KIT: variants seen among roughly 807,000 people sequenced by gnomAD.
KIT encodes KIT proto-oncogene, receptor tyrosine kinase, also known as mast/stem cell growth factor receptor Kit.
Under a neutral mutation model 105.7 loss-of-function variants are expected in KIT, and 16 were observed. The observed-to-expected ratio is 0.15, with a 90% CI of 0.10 to 0.23. The LOEUF (loss-of-function observed/expected upper bound fraction) is 0.23, where lower values mean the gene tolerates loss of function less well. KIT is among the 10% of genes least tolerant of loss of function. The pLI, the probability that KIT is intolerant of heterozygous loss-of-function variation, is 1.00. For synonymous variants in KIT, 438 were observed against 441.1 expected (o/e 0.99, Z 0.09); for missense variants, 858 against 1,213.8 (o/e 0.71, Z 4.36).
chr4:54,676,726 T>TA (rs1718500196), intron 1 of KIT, among the ~76,000 whole-genome samples: 1 of 152,192 alleles, frequency 6.6e-6, no homozygotes, highest in Non-Finnish European at 1.5e-5. Flanking sequence ...AAGCCTCCAG[T>TA]ATCTCCTTTT....
intron 1 of KIT, among the ~76,000 whole-genome samples, chr4:54,668,248 G>A (rs894848827): frequency 6.6e-6 from 1 of 152,146 alleles, no homozygotes; most frequent in African/African-American, 2.4e-5. Context: ...GTGGCTGTTT[G>A]TGGTGGGCAG....
At chr4:54,677,541 C>G (rs917347499) in intron 1 of KIT, among the ~76,000 whole-genome samples, 1 of 152,200 alleles carries the variant, frequency 6.6e-6, no homozygotes, top group African/African-American at 2.4e-5. Context: ...GAAAGTGACT[C>G]TTGCCTCCTC....
rs952446846 is a variant in KIT at position 54,699,844 on chromosome 4, C to A, written c.756+78C>A. On this transcript the variant is annotated intron_variant, in intron 4 of 20. Coordinates refer to ENST00000288135, the MANE Select transcript of KIT (RefSeq NM_000222.3). ...GTTTTCTCTTTCAGAAGAGTCTGTC[C>A]TGAAACTGCCTCGACTAGTGCGTCT... The A allele has an allele frequency of 1.2e-5, 18 of 1,513,304 alleles. No individual in the cohort carries two copies. In the African/African-American group the frequency reaches 2.5e-4, roughly 21 times the overall value. 93.7% of individuals were successfully genotyped at this position (1,513,304 alleles called of 1,614,324 possible).
At chr4:54,697,148 A>G (rs886192500) in intron 2 of KIT, among the ~76,000 whole-genome samples, 1 of 152,232 alleles carries the variant, frequency 6.6e-6, no homozygotes, top group African/African-American at 2.4e-5. Context: ...CAAGTGACCT[A>G]CAAAGAGTAG....
intron 16 of KIT, among the ~76,000 whole-genome samples, chr4:54,732,340 A>C (rs1187401333): frequency 6.6e-6 from 1 of 152,170 alleles, no homozygotes; most frequent in Admixed American, 6.5e-5. Context: ...CAGTAAAAGC[A>C]GAGGGCACCT....
At position 54,707,346 on chromosome 4, in the gene KIT, T is replaced by C. The variant is rs537407892; in HGVS notation, c.1115+59T>C. The stretch of plus-strand genomic sequence containing the variant: ...ATTACCCCCTTTTCCAGTGGGCTTA[T>C]CAGATCTTATTTCTGTAACCCGTAA... On this transcript the variant is annotated intron_variant, in intron 6 of 20. Coordinates refer to ENST00000288135, the MANE Select transcript of KIT (RefSeq NM_000222.3). 2.1e-5 allele frequency: 25 copies of C among 1,204,990 alleles called. No individual in the cohort carries two copies. The African/African-American group carries it at 3.6e-4, about 17-fold the overall frequency. The allele number at this position is 1,204,990 out of a possible 1,614,324, so 74.6% of individuals were successfully genotyped here.
At chr4:54,682,767 T>A (rs1354725283) in intron 1 of KIT, among the ~76,000 whole-genome samples, 2 of 136,086 alleles carry the variant, frequency 1.5e-5, no homozygotes, top group African/African-American at 3.3e-5. Flanking sequence ...TTTTTTTTTT[T>A]AGAAGACAGA....
At chr4:54,678,919 G>A (rs529399913) in intron 1 of KIT, among the ~76,000 whole-genome samples, 8 of 152,152 alleles carry the variant, frequency 5.3e-5, no homozygotes, top group Non-Finnish European at 1.2e-4. Context: ...CCATTTGAGA[G>A]TAAGTTGCTA....
In KIT at chr4:54,729,332, T is replaced by C. The variant is rs768551420; in HGVS notation, c.1991-3T>C. 2.5e-6 allele frequency: 4 copies of C among 1,613,296 alleles called. No homozygotes were observed. The highest frequency in any genetic ancestry group is 4.5e-5 in the East Asian group (2 of 44,858). Reference sequence around the variant, plus strand: ...TTTCTAACCTTTTCTTATGTGCTTTTAGGGCCCACCCTGGTCATTACAGAA... The same window carrying C: ...TTTCTAACCTTTTCTTATGTGCTTTCAGGGCCCACCCTGGTCATTACAGAA... On this transcript the variant is annotated splice_polypyrimidine_tract_variant and splice_region_variant and intron_variant, in intron 13 of 20. Coordinates refer to ENST00000288135, the MANE Select transcript of KIT (RefSeq NM_000222.3).
chr4:54,727,143 G>GT lies in KIT; in HGVS notation c.1541-72dup, dbSNP rs771724821. 2.1e-4 allele frequency: 271 copies of GT among 1,281,896 alleles called. 3 individuals are homozygous for GT. The South Asian group carries it at 3.1e-3, about 15-fold the overall frequency. 79.4% of individuals were successfully genotyped at this position (1,281,896 alleles called of 1,614,324 possible). Reference sequence around the variant, plus strand: ...GGCTGTGAGTTGGGAGGTGGGGTCAGTTTGGGACTGAGTGGCTGTGGTAGA... The same window carrying GT: ...GGCTGTGAGTTGGGAGGTGGGGTCAGTTTTGGGACTGAGTGGCTGTGGTAGA... On this transcript the variant is annotated intron_variant, in intron 9 of 20. Coordinates refer to ENST00000288135, the MANE Select transcript of KIT (RefSeq NM_000222.3).
At chr4:54,729,258 C>T in intron 13 of KIT, 77 bp from the exon 14 acceptor site, 3 of 1,506,816 alleles carry the variant, frequency 2.0e-6, no homozygotes, top group Non-Finnish European at 2.8e-6. Flanking sequence ...CCATGACCAC[C>T]CTTGGGTATT....
rs184041614 is a variant in KIT at position 54,739,791 on chromosome 4, C to T, written c.*1234C>T. ...TTAGTACTGCTCTTGTTTCTTTTCA[C>T]ATAGCTGTCTAGAGTAGCTTACCAG... On this transcript the variant is annotated 3_prime_UTR_variant, in exon 21 of 21. Transcript: ENST00000288135. 28 of 233,506 alleles carry T rather than the reference C, an allele frequency of 1.2e-4. No homozygotes were observed. In the Admixed American group the frequency reaches 1.3e-3, roughly 11 times the overall value. 14.5% of individuals were successfully genotyped at this position (233,506 alleles called of 1,614,324 possible). A position where few individuals can be genotyped will look rare whatever the true frequency, so the allele number is the denominator to read the frequency against.
At chr4:54,669,557 T>C (rs1305154865) in intron 1 of KIT, among the ~76,000 whole-genome samples, 4 of 152,190 alleles carry the variant, frequency 2.6e-5, no homozygotes, top group Non-Finnish European at 5.9e-5. Context: ...ATACCAGAAA[T>C]CCATAGATTT....
chr4:54,731,890 T>A lies in KIT; in HGVS notation c.2253T>A (p.Asp751Glu). The change falls in exon 16 of 21, where the codon GAT (aspartate) becomes GAA (glutamate). Residue 751 changes from aspartate (D) to glutamate (E), a missense_variant. Physicochemically the swap from Asp to Glu is conservative, Grantham distance 45. Transcript: ENST00000288135. The stretch of plus-strand genomic sequence containing the variant: ...TCACAGGCTCATACATAGAAAGAGA[T>A]GTGACTCCCGCCATCATGGAGGATG... ...SVRIGSYIERDVTPAIMEDDE... is the reference protein window; with the variant it reads ...SVRIGSYIEREVTPAIMEDDE... 1.2e-6 allele frequency: 2 copies of A among 1,613,572 alleles called. No homozygotes were observed. The highest frequency in any genetic ancestry group is 1.7e-6 in the Non-Finnish European group (2 of 1,179,622).
In KIT at chr4:54,703,783, G is replaced by A. The variant is rs758792480; in HGVS notation, c.816G>A (p.Gln272=). Residue 272 remains glutamine (Q), a synonymous_variant, in exon 5 of 21, where the codon CAG becomes CAA. Transcript: ENST00000288135. Reference sequence around the variant, plus strand: ...ACGGTGACTTCAATTATGAACGTCAGGCAACGTTGACTATCAGTTCAGCGA... The same window carrying A: ...ACGGTGACTTCAATTATGAACGTCAAGCAACGTTGACTATCAGTTCAGCGA... ...WHHGDFNYER[Q]ATLTISSARV... is the part of the protein sequence containing the mutation. The A allele has an allele frequency of 3.1e-6, 5 of 1,613,506 alleles. No homozygotes were observed. Among genetic ancestry groups the A allele is most frequent in the South Asian group, 1.1e-5 (1 of 91,070 alleles).
At chr4:54,669,420 G>A (rs938906425) in intron 1 of KIT, among the ~76,000 whole-genome samples, 12 of 152,232 alleles carry the variant, frequency 7.9e-5, no homozygotes, top group African/African-American at 2.4e-4. Context: ...GGTCCCCCAC[G>A]GGGTCTAGTG....
chr4:54,733,681 T>C (rs919157245), intron 17 of KIT, among the ~76,000 whole-genome samples: 2 of 152,174 alleles, frequency 1.3e-5, no homozygotes, highest in Admixed American at 1.3e-4. Flanking sequence ...TAGCAAATGT[T>C]TTTCAAAGTG....
intron 1 of KIT, among the ~76,000 whole-genome samples, chr4:54,666,855 A>G (rs1451136101): frequency 6.6e-6 from 1 of 152,218 alleles, no homozygotes; most frequent in Non-Finnish European, 1.5e-5. Flanking sequence ...AGACTCTAAC[A>G]TAATCCACTA....
chr4:54,738,669 C>CA lies in KIT; in HGVS notation c.*113dup. 7.7e-7 allele frequency: 1 copy of CA among 1,297,776 alleles called. No individual in the cohort carries two copies. The highest frequency in any genetic ancestry group is 1.1e-6 in the Non-Finnish European group (1 of 905,856). 80.4% of individuals were successfully genotyped at this position (1,297,776 alleles called of 1,614,324 possible). A position where few individuals can be genotyped will look rare whatever the true frequency, so the allele number is the denominator to read the frequency against. Reference sequence around the variant, plus strand: ...TCCAACTCCAGGATAGTGGGCACCCCACTGCAATCCTGTCTTTCTGAGCAC... The same window carrying CA: ...TCCAACTCCAGGATAGTGGGCACCCCAACTGCAATCCTGTCTTTCTGAGCAC... On this transcript the variant is annotated 3_prime_UTR_variant, in exon 21 of 21. Transcript: ENST00000288135.
Sources: allele counts gnomAD v4.1 joint callset (sites outside exome capture counted in the v4.1 genomes callset), GRCh38; gene constraint gnomAD v4.1.1; transcripts MANE v1.5; gene names NCBI Gene and HGNC (gene_info 2026-07-23, HGNC 2026-07-21).